Variants in CATSPERE observed in about 807,000 individuals in gnomAD.
CATSPERE encodes the protein catsper channel auxiliary subunit epsilon, also known as cation channel sperm-associated auxiliary subunit epsilon.
In CATSPERE, 93 loss-of-function variants were observed where a neutral mutation model predicts 114.1. The observed-to-expected ratio is 0.81, with a 90% confidence interval of 0.69 to 0.97. CATSPERE has a LOEUF of 0.97. CATSPERE is among the 50% of genes least tolerant of loss of function. The pLI, the probability that CATSPERE is intolerant of heterozygous loss-of-function variation, is 0.00. For synonymous variants in CATSPERE, 341 were observed against 384.1 expected, an observed-to-expected ratio of 0.89 and a Z score of 1.31; for missense variants, 1,058 against 1,131.6, an observed-to-expected ratio of 0.93 and a Z score of 0.93.
chr1:244,592,452 A>G (rs900238893), intron 15 of CATSPERE, among the ~76,000 whole-genome samples: 1 of 152,138 alleles, frequency 6.6e-6, no homozygotes, highest in Non-Finnish European at 1.5e-5. Flanking sequence ...GACTGTCAAA[A>G]TATAGAAGTC....
At chr1:244,465,677 T>G (rs1018808376) in intron 2 of CATSPERE, among the ~76,000 whole-genome samples, 2 of 152,222 alleles carry the variant, frequency 1.3e-5, no homozygotes, top group African/African-American at 4.8e-5. Context: ...GAACATCTAG[T>G]TTGTTCTTCC....
At chr1:244,470,080 A>G (rs899613371) in intron 2 of CATSPERE, among the ~76,000 whole-genome samples, 2 of 152,222 alleles carry the variant, frequency 1.3e-5, no homozygotes, top group Non-Finnish European at 2.9e-5. Context: ...GTAAGAGCTA[A>G]AACTGTAAAA....
intron 2 of CATSPERE, among the ~76,000 whole-genome samples, chr1:244,466,184 G>A (rs1328323487): frequency 6.6e-6 from 1 of 152,092 alleles, no homozygotes; most frequent in Non-Finnish European, 1.5e-5. Flanking sequence ...ACCCCACACG[G>A]TACCAATGTA....
At chr1:244,469,727 A>G (rs1420892256) in intron 2 of CATSPERE, among the ~76,000 whole-genome samples, 1 of 152,220 alleles carries the variant, frequency 6.6e-6, no homozygotes, top group Non-Finnish European at 1.5e-5. Flanking sequence ...CAAGAGTACC[A>G]GAATAGACAA....
intron 8 of CATSPERE, among the ~76,000 whole-genome samples, chr1:244,544,480 A>G (rs983733207): frequency 2.6e-5 from 4 of 152,180 alleles, no homozygotes; most frequent in Non-Finnish European, 5.9e-5. Flanking sequence ...TAGGATGTAT[A>G]CTTGGGATAA....
At chr1:244,488,700 C>A (rs1671467521) in intron 5 of CATSPERE, among the ~76,000 whole-genome samples, 1 of 152,228 alleles carries the variant, frequency 6.6e-6, no homozygotes, top group African/African-American at 2.4e-5. Context: ...CTCAGTGACT[C>A]AGTTCTTCTT....
intron 10 of CATSPERE, among the ~76,000 whole-genome samples, chr1:244,569,574 A>G (rs1161605302): frequency 5.3e-5 from 8 of 152,152 alleles, no homozygotes; most frequent in Admixed American, 5.2e-4. Flanking sequence ...AAATTTATTA[A>G]TATTTTTATT....
upstream of CATSPERE, among the ~76,000 whole-genome samples, chr1:244,454,207 A>G (rs3003210): frequency 0.22 from 33,983 of 152,040 alleles, 4,173 homozygotes; most frequent in Middle Eastern, 0.32. Context: ...CGGGGTGACT[A>G]TCTGCTCTTC....
At chr1:244,589,941 G>A (rs138986276) in intron 14 of CATSPERE, among the ~76,000 whole-genome samples, 20 of 152,260 alleles carry the variant, frequency 1.3e-4, no homozygotes, top group African/African-American at 4.6e-4. Context: ...TTGGGCTCAA[G>A]TTACAGTGGG....
At chr1:244,567,745 C>G (rs532852055) in intron 10 of CATSPERE, among the ~76,000 whole-genome samples, 66 of 151,912 alleles carry the variant, frequency 4.3e-4, no homozygotes, top group Non-Finnish European at 7.4e-4. Context: ...TTCATCTAGC[C>G]TTTTTTCAAG....
At chr1:244,542,435 G>C (rs1183757479) in intron 8 of CATSPERE, among the ~76,000 whole-genome samples, 1 of 152,050 alleles carries the variant, frequency 6.6e-6, no homozygotes, top group Non-Finnish European at 1.5e-5. Context: ...CCCAAATAGT[G>C]AACATTGTAC....
chr1:244,540,021 G>A (rs375094986), intron 8 of CATSPERE, among the ~76,000 whole-genome samples: 1 of 151,472 alleles, frequency 6.6e-6, no homozygotes, highest in Middle Eastern at 3.4e-3. Flanking sequence ...AATAATAAGA[G>A]CTATCTATGA....
intron 7 of CATSPERE, among the ~76,000 whole-genome samples, chr1:244,502,973 C>CT (rs941201000): frequency 6.6e-6 from 1 of 152,250 alleles, no homozygotes; most frequent in South Asian, 2.1e-4. Context: ...TTGTGCATAT[C>CT]TAAGTGCAGA....
At chr1:244,465,138 C>T (rs1667416721) in intron 2 of CATSPERE, among the ~76,000 whole-genome samples, 1 of 151,616 alleles carries the variant, frequency 6.6e-6, no homozygotes, top group Admixed American at 6.6e-5. Flanking sequence ...CGGGTTCAAG[C>T]GATTCTTCTG....
intron 9 of CATSPERE, among the ~76,000 whole-genome samples, chr1:244,557,531 T>TAA (rs1661769799): frequency 3.5e-5 from 1 of 28,854 alleles, no homozygotes; most frequent in African/African-American, 7.6e-5. Flanking sequence ...TTTGAAATAT[T>TAA]CATATATATA....
chr1:244,611,615 A>G (rs994233547), intron 19 of CATSPERE, among the ~76,000 whole-genome samples: 3 of 152,112 alleles, frequency 2.0e-5, no homozygotes, highest in Non-Finnish European at 4.4e-5. Flanking sequence ...AAAAAATCAA[A>G]TTAAAAAATA....
At chr1:244,631,824 C>T (rs2148748332) in intron 20 of CATSPERE, among the ~76,000 whole-genome samples, 1 of 152,312 alleles carries the variant, frequency 6.6e-6, no homozygotes, top group East Asian at 1.9e-4. Flanking sequence ...TATGGAATAT[C>T]AGGAACTCTC....
At chr1:244,639,562 C>T (rs928101995) in intron 21 of CATSPERE, among the ~76,000 whole-genome samples, 6 of 152,174 alleles carry the variant, frequency 3.9e-5, no homozygotes, top group South Asian at 2.1e-4. Context: ...TGGTGGTGCC[C>T]TCCTGTAATC....
At chr1:244,591,960 A>G (rs1191210985) in intron 15 of CATSPERE, among the ~76,000 whole-genome samples, 1 of 152,234 alleles carries the variant, frequency 6.6e-6, no homozygotes, top group Non-Finnish European at 1.5e-5. Context: ...AGCAAGCCTC[A>G]TTTACATATA....
Sources: gnomAD v4.1 joint callset for allele counts (sites outside exome capture counted in the v4.1 genomes callset) on GRCh38, gnomAD v4.1.1 for gene constraint, MANE v1.5 for transcripts, NCBI Gene and HGNC (gene_info 2026-07-23, HGNC 2026-07-21) for gene names.